AUTS2: variants seen among roughly 807,000 people sequenced by gnomAD.
AUTS2 encodes the protein activator of transcription and developmental regulator AUTS2.
AUTS2 carries 17 observed loss-of-function variants against 112.4 expected under a neutral mutation model. The observed-to-expected ratio is 0.15, with a 90% CI of 0.10 to 0.23. AUTS2 has a LOEUF of 0.23. Among genes scored for constraint, AUTS2 ranks in the 10% least tolerant of loss-of-function variants. AUTS2 has a pLI of 1.00. For missense variants in AUTS2, 1,510 were observed against 1,701.6 expected, an observed-to-expected ratio of 0.89 and a Z score of 1.98; for synonymous variants, 751 against 702.7, an observed-to-expected ratio of 1.07 and a Z score of -1.09.
At chr7:70,249,690 G>GATCC (rs1786482859) in intron 4 of AUTS2, among the ~76,000 whole-genome samples, 1 of 151,946 alleles carries the variant, frequency 6.6e-6, no homozygotes, top group Admixed American at 6.6e-5. Flanking sequence ...ATTGTTACAG[G>GATCC]ATCCACATCC....
At chr7:69,690,629 T>G (rs1014170699) in intron 1 of AUTS2, among the ~76,000 whole-genome samples, 1 of 152,122 alleles carries the variant, frequency 6.6e-6, no homozygotes, top group Non-Finnish European at 1.5e-5. Flanking sequence ...CTGTGGGCAC[T>G]GGGGAATGCG....
At chr7:69,764,868 A>C (rs1021443271) in intron 1 of AUTS2, among the ~76,000 whole-genome samples, 5 of 152,222 alleles carry the variant, frequency 3.3e-5, no homozygotes, top group Non-Finnish European at 7.3e-5. Context: ...GTAAAGAAAA[A>C]GTTTTGGCCC....
At chr7:70,039,944 A>C (rs1287476259) in intron 2 of AUTS2, among the ~76,000 whole-genome samples, 1 of 152,212 alleles carries the variant, frequency 6.6e-6, no homozygotes, top group African/African-American at 2.4e-5. Context: ...AGGAGCTCAC[A>C]GTAGAACCTA....
chr7:70,726,343 T>TAAA (rs34064102), intron 6 of AUTS2, among the ~76,000 whole-genome samples: 15,530 of 148,284 alleles, frequency 0.1, 984 homozygotes, highest in South Asian at 0.2. Flanking sequence ...TGGCATTTCT[T>TAAA]AAAAAAAAAA....
intron 5 of AUTS2, among the ~76,000 whole-genome samples, chr7:70,517,424 T>C (rs2129494125): frequency 6.6e-6 from 1 of 152,280 alleles, no homozygotes; most frequent in Admixed American, 6.5e-5. Flanking sequence ...GTGTGTCTTC[T>C]ACCTCAAAAT....
At chr7:70,003,152 AT>A (rs1799277471) in intron 2 of AUTS2, among the ~76,000 whole-genome samples, 1 of 140,636 alleles carries the variant, frequency 7.1e-6, no homozygotes, top group Non-Finnish European at 1.5e-5. Flanking sequence ...ATATGACTAT[AT>A]TATATATATT....
intron 5 of AUTS2, among the ~76,000 whole-genome samples, chr7:70,565,037 G>A (rs1801647709): frequency 6.6e-6 from 1 of 152,186 alleles, no homozygotes; most frequent in Non-Finnish European, 1.5e-5. Flanking sequence ...GGGAGAGGTT[G>A]CAGTGAGCCG....
At chr7:70,677,312 T>C (rs1458402724) in intron 5 of AUTS2, among the ~76,000 whole-genome samples, 4 of 152,206 alleles carry the variant, frequency 2.6e-5, no homozygotes, top group Admixed American at 6.5e-5. Flanking sequence ...GCTCTCTTTC[T>C]GATGTTCCAC....
chr7:69,938,392 C>T (rs1177998322), intron 2 of AUTS2, among the ~76,000 whole-genome samples: 1 of 152,194 alleles, frequency 6.6e-6, no homozygotes, highest in Non-Finnish European at 1.5e-5. Flanking sequence ...TGGATCTCTA[C>T]TTATTTTAGT....
At chr7:70,161,137 A>G (rs1808055789) in intron 4 of AUTS2, among the ~76,000 whole-genome samples, 1 of 152,132 alleles carries the variant, frequency 6.6e-6, no homozygotes, top group Admixed American at 6.5e-5. Context: ...GAGTTTTTTA[A>G]AAGTAACTTC....
intron 1 of AUTS2, among the ~76,000 whole-genome samples, chr7:69,609,384 G>T (rs1712529596): frequency 6.6e-6 from 1 of 152,162 alleles, no homozygotes; most frequent in South Asian, 2.1e-4. Flanking sequence ...CTCTCTCCCA[G>T]TGTATCACCC....
intron 5 of AUTS2, among the ~76,000 whole-genome samples, chr7:70,557,775 T>C (rs914664629): frequency 6.6e-6 from 1 of 152,176 alleles, no homozygotes; most frequent in Admixed American, 6.5e-5. Context: ...ATGCTGACTG[T>C]CAATATCACC....
intron 1 of AUTS2, among the ~76,000 whole-genome samples, chr7:69,680,923 G>C (rs1377696933): frequency 6.6e-6 from 1 of 152,184 alleles, no homozygotes; most frequent in Non-Finnish European, 1.5e-5. Context: ...GCCAGCCTCA[G>C]CCTCCCAAAG....
chr7:70,204,555 G>T (rs535376283), intron 4 of AUTS2, among the ~76,000 whole-genome samples: 26 of 152,170 alleles, frequency 1.7e-4, no homozygotes, highest in African/African-American at 6.0e-4. Context: ...CTCAATAAGA[G>T]GCCCTGTATA....
At position 70,303,434 on chromosome 7, in the gene AUTS2, G is replaced by GTGCACACA. The variant is rs1554361424; in HGVS notation, c.661-132318_661-132317insTGCACACA. 4.2e-5 allele frequency among the ~76,000 whole-genome samples: 6 copies of GTGCACACA among 142,052 alleles called. No homozygotes were observed. In the East Asian group the frequency reaches 1.1e-3, roughly 25 times the overall value. The allele number at this position is 142,052 out of a possible 152,430, so 93.2% of individuals were successfully genotyped here. The stretch of plus-strand genomic sequence containing the variant: ...CACGCACACACACACGCGCGCGCGC[G>GTGCACACA]CACATACACACACACACACACACAC... On this transcript the variant is annotated intron_variant, in intron 4 of 18. Coordinates refer to ENST00000342771, the MANE Select transcript of AUTS2 (RefSeq NM_015570.4).
intron 2 of AUTS2, among the ~76,000 whole-genome samples, chr7:70,099,681 C>T (rs914152817): frequency 1.3e-5 from 2 of 152,006 alleles, no homozygotes; most frequent in African/African-American, 4.8e-5. Context: ...AACTACCTAC[C>T]CTATTTAATG....
intron 4 of AUTS2, among the ~76,000 whole-genome samples, chr7:70,217,830 C>T (rs1456447891): frequency 1.3e-5 from 2 of 152,194 alleles, no homozygotes; most frequent in African/African-American, 2.4e-5. Context: ...CTGTTTATGG[C>T]AGAAGAAAGG....
intron 1 of AUTS2, among the ~76,000 whole-genome samples, chr7:69,753,733 G>C (rs1461287339): frequency 6.6e-6 from 1 of 152,308 alleles, no homozygotes; most frequent in Admixed American, 6.5e-5. Context: ...TAAAGGCTCA[G>C]GAAATAACTT....
chr7:69,780,414 G>A (rs2129312674), intron 1 of AUTS2, among the ~76,000 whole-genome samples: 1 of 152,296 alleles, frequency 6.6e-6, no homozygotes, highest in African/African-American at 2.4e-5. Context: ...GCCCATTGGA[G>A]TGATGTACAG....
Sources: allele counts gnomAD v4.1 joint callset (sites outside exome capture counted in the v4.1 genomes callset), GRCh38; gene constraint gnomAD v4.1.1; transcripts MANE v1.5; gene names NCBI Gene and HGNC (gene_info 2026-07-23, HGNC 2026-07-21).